DTX3L: variants seen among roughly 807,000 people sequenced by gnomAD.
The protein encoded by DTX3L is deltex E3 ubiquitin ligase 3L, also known as E3 ubiquitin-protein ligase DTX3L.
Under a neutral mutation model 60.9 loss-of-function variants are expected in DTX3L, and 34 were observed. The ratio of observed to expected loss-of-function variants is 0.56; its 90% CI spans 0.42 to 0.74. The LOEUF is 0.74. Ranked by LOEUF, DTX3L falls within the 30% of genes least tolerant of loss-of-function variation. The pLI is 0.00. For synonymous variants in DTX3L, 290 were observed against 316.6 expected, an observed-to-expected ratio of 0.92 and a Z score of 0.89; for missense variants, 810 against 874.0, an observed-to-expected ratio of 0.93 and a Z score of 0.92.
At chr3:122,570,370 T>A (rs1451780110) in intron 3 of DTX3L, 85 bp from the exon 4 acceptor site, 4 of 1,345,430 alleles carry the variant, frequency 3.0e-6, no homozygotes, top group Middle Eastern at 1.9e-4. Flanking sequence ...TTGATTTGCT[T>A]TATCTACAAA....
Position 122,569,437 on chromosome 3 carries a change from A to G in DTX3L, c.1348A>G (p.Arg450Gly), listed in dbSNP as rs753018540. ...TCAACATGCCTCATGTCAGTTGATG[A>G]GAGAAGTTCTTTTACTGAAGTCTTT... ...AFQHASCQLM[R>G]EVLLLKSLGK... The change falls in exon 3 of 5, where the codon AGA (arginine) becomes GGA (glycine). Residue 450 changes from arginine to glycine, a missense_variant. Physicochemically the swap from Arg to Gly is moderately radical, Grantham distance 125. Transcript: ENST00000296161. The G allele has an allele frequency of 6.2e-7, 1 of 1,614,186 alleles. No homozygotes were observed. The highest frequency in any genetic ancestry group is 8.5e-7 in the Non-Finnish European group (1 of 1,180,038).
At position 122,569,300 on chromosome 3, in the gene DTX3L, A is replaced by C; in HGVS notation, c.1211A>C (p.Asp404Ala). The C allele has an allele frequency of 2.5e-6, 4 of 1,614,220 alleles. No individual in the cohort carries two copies. Among genetic ancestry groups the C allele is most frequent in the Non-Finnish European group, 3.4e-6 (4 of 1,180,034 alleles). ...ATATCAGAGATCGAAAAAAGGTATG[A>C]CATTTGCAGCAAGGTTTCTGAGAAA... is the stretch of plus-strand genomic sequence containing the variant. Reference protein sequence around the residue: ...QEISEIEKRYDICSKVSEKGQ... With the variant: ...QEISEIEKRYAICSKVSEKGQ... Residue 404 changes from aspartate to alanine, a missense_variant, in exon 3 of 5, where the codon GAC (aspartate) becomes GCC (alanine). Physicochemically the swap from Asp to Ala is moderately radical, Grantham distance 126. Transcript: ENST00000296161.
chr3:122,573,873 T>G lies in DTX3L; in HGVS notation c.*2126T>G, dbSNP rs1315944536. 1 of 152,372 alleles carries G rather than the reference T, an allele frequency of 6.6e-6. No homozygotes were observed. The highest frequency in any genetic ancestry group is 1.5e-5 in the Non-Finnish European group (1 of 68,172). The allele number at this position is 152,372 out of a possible 1,614,324, so 9.4% of individuals were successfully genotyped here. A position where few individuals can be genotyped will look rare whatever the true frequency, so the allele number is the denominator to read the frequency against. Reference sequence around the variant, plus strand: ...GTTGTTTTGAGACAGGGTCTCACTGTGTCCCCCAGGCTGGAGTGCAGTGGC... The same window carrying G: ...GTTGTTTTGAGACAGGGTCTCACTGGGTCCCCCAGGCTGGAGTGCAGTGGC... On this transcript the variant is annotated 3_prime_UTR_variant, in exon 5 of 5. Coordinates refer to ENST00000296161, the MANE Select transcript of DTX3L (RefSeq NM_138287.3).
At position 122,573,286 on chromosome 3, in the gene DTX3L, A is replaced by T. The variant is rs2080657319; in HGVS notation, c.*1539A>T. 6.6e-6 allele frequency: 1 copy of T among 152,200 alleles called. No homozygotes were observed. The highest frequency in any genetic ancestry group is 1.5e-5 in the Non-Finnish European group (1 of 68,060). 9.4% of individuals were successfully genotyped at this position (152,200 alleles called of 1,614,324 possible). On this transcript the variant is annotated 3_prime_UTR_variant, in exon 5 of 5. Coordinates refer to ENST00000296161, the MANE Select transcript of DTX3L (RefSeq NM_138287.3). ...CCAACACTGAGGATCAAATTTCAAC[A>T]TGAGATTTGGAGGAGGTCAAACAAA...
In DTX3L at chr3:122,569,920, C is replaced by T. The variant is rs1464567493; in HGVS notation, c.1831C>T (p.Pro611Ser). 3.1e-6 allele frequency: 5 copies of T among 1,614,016 alleles called. No homozygotes were observed. Among genetic ancestry groups the T allele is most frequent in the Middle Eastern group, 3.3e-4 (2 of 6,062 alleles). The change falls in exon 3 of 5, where the codon CCA becomes TCA. Residue 611 changes from proline to serine, a missense_variant. Transcript: ENST00000296161. ...CTATGGTATTCAGAAAGGAAATCAG[C>T]CAGAGGGAAGCATGGTTTTCACTGT... ...TSYGIQKGNQ[P>S]EGSMVFTVSR...
chr3:122,572,819 T>G lies in DTX3L; in HGVS notation c.*1072T>G, dbSNP rs2080654725. 6.6e-6 allele frequency: 1 copy of G among 152,202 alleles called. No individual in the cohort carries two copies. Among genetic ancestry groups the G allele is most frequent in the African/African-American group, 2.4e-5 (1 of 41,428 alleles). The allele number at this position is 152,202 out of a possible 1,614,324, so 9.4% of individuals were successfully genotyped here. The stretch of plus-strand genomic sequence containing the variant: ...GTTTCAAACTCCTGAGCTCAAATGA[T>G]CCTCCTGCCTTGGCCTCCCAAAGTG... On this transcript the variant is annotated 3_prime_UTR_variant, in exon 5 of 5. Coordinates refer to ENST00000296161, the MANE Select transcript of DTX3L (RefSeq NM_138287.3).
rs559779724 is a variant in DTX3L at position 122,570,459 on chromosome 3, A to G, written c.1940A>G (p.Glu647Gly). ...YSMKAGIQTE[E>G]HPNPGKRYPG... The stretch of plus-strand genomic sequence containing the variant: ...CATTTTCTTGTTCTCACACAGGAAG[A>G]ACACCCAAACCCAGGAAAGAGATAC... Residue 647 changes from glutamate (E) to glycine (G), a missense_variant, in exon 4 of 5, where the codon GAA (glutamate) becomes GGA (glycine). By Grantham distance (98) the Glu-to-Gly change is moderately conservative (BLOSUM62 -2). Coordinates refer to ENST00000296161, the MANE Select transcript of DTX3L (RefSeq NM_138287.3). The G allele has an allele frequency of 6.2e-7, 1 of 1,614,154 alleles. No homozygotes were observed. Among genetic ancestry groups the G allele is most frequent in the Admixed American group, 1.7e-5 (1 of 60,030 alleles).
intron 1 of DTX3L, 40 bp downstream of exon 1, chr3:122,564,653 GCCCGGCCCCCGGGTTT>G: frequency 6.4e-7 from 1 of 1,560,896 alleles, no homozygotes; most frequent in Non-Finnish European, 8.6e-7. Flanking sequence ...CCCTCTGGGG[GCCCGGCCCCCGGGTTT>G]CCAGGCGGAC....
Position 122,570,547 on chromosome 3 carries a change from G to A in DTX3L, c.2028G>A (p.Leu676=). The A allele has an allele frequency of 1.9e-6, 3 of 1,614,174 alleles. No homozygotes were observed. The highest frequency in any genetic ancestry group is 2.2e-5 in the South Asian group (2 of 91,084). ...DNKEGRKVLK[L]LYRAFDQKLI... ...AGGAAGGAAGGAAGGTTTTGAAACT[G>A]CTTTATAGGGCCTTTGACCAAAAGC... is the stretch of plus-strand genomic sequence containing the variant. The change falls in exon 4 of 5, where the codon CTG becomes CTA. Residue 676 remains leucine (L), a synonymous_variant. Transcript: ENST00000296161.
intron 2 of DTX3L, among the ~76,000 whole-genome samples, chr3:122,567,562 C>A (rs1382591859): frequency 2.6e-5 from 4 of 152,020 alleles, no homozygotes; most frequent in African/African-American, 9.7e-5. Flanking sequence ...CTTAACCTGG[C>A]GTGTCTTATA....
At position 122,573,110 on chromosome 3, in the gene DTX3L, TGAGA is replaced by T. The variant is rs200117054; in HGVS notation, c.*1371_*1374del. The stretch of plus-strand genomic sequence containing the variant: ...CAGAAATCAAATGACAGAGAGGAAG[TGAGA>T]GAGAGAGGTGTCGGGGAGGTGCCAG... On this transcript the variant is annotated 3_prime_UTR_variant, in exon 5 of 5. Transcript: ENST00000296161. 6.6e-6 allele frequency: 1 copy of T among 151,848 alleles called. No homozygotes were observed. The highest frequency in any genetic ancestry group is 2.1e-4 in the South Asian group (1 of 4,798). The allele number at this position is 151,848 out of a possible 1,614,324, so 9.4% of individuals were successfully genotyped here. A position where few individuals can be genotyped will look rare whatever the true frequency, so the allele number is the denominator to read the frequency against.
At chr3:122,570,079 C>T (rs1489015230) in intron 3 of DTX3L, 55 bp downstream of exon 3, 35 of 1,552,908 alleles carry the variant, frequency 2.3e-5, no homozygotes, top group Non-Finnish European at 2.5e-5. Flanking sequence ...ATTACCAGGG[C>T]AAAAGAGACT....
At chr3:122,566,291 AAAAT>A (rs949673690) in intron 2 of DTX3L, among the ~76,000 whole-genome samples, 108 of 152,322 alleles carry the variant, frequency 7.1e-4, no homozygotes, top group African/African-American at 2.5e-3. Context: ...GCAAGTAAAC[AAAAT>A]AAATAAAACC....
In DTX3L at chr3:122,569,566, A is replaced by T. The variant is rs759383478; in HGVS notation, c.1477A>T (p.Thr493Ser). Residue 493 changes from threonine (T) to serine (S), a missense_variant, in exon 3 of 5, where the codon ACT (threonine) becomes TCT (serine). Transcript: ENST00000296161. The part of the protein sequence containing the change: ...FVLNQESMTL[T>S]GLPNHLAKAK... ...GCTAAATCAAGAGTCAATGACTTTG[A>T]CTGGTTTGCCAAATCACCTTGCAAA... is the stretch of plus-strand genomic sequence containing the variant. The T allele has an allele frequency of 7.4e-6, 12 of 1,614,110 alleles. No individual in the cohort carries two copies. Among genetic ancestry groups the T allele is most frequent in the Non-Finnish European group, 1.0e-5 (12 of 1,180,050 alleles).
rs1226692687 is a variant in DTX3L at position 122,573,376 on chromosome 3, G to A, written c.*1629G>A. Reference sequence around the variant, plus strand: ...TCAGGTTGCTAGTAAGCCAGCAGAGGGATATTTGCCTCCTAAATCTTTGGC... The same window carrying A: ...TCAGGTTGCTAGTAAGCCAGCAGAGAGATATTTGCCTCCTAAATCTTTGGC... On this transcript the variant is annotated 3_prime_UTR_variant, in exon 5 of 5. Coordinates refer to ENST00000296161, the MANE Select transcript of DTX3L (RefSeq NM_138287.3). The A allele has an allele frequency of 6.6e-6, 1 of 152,200 alleles. No individual in the cohort carries two copies. The highest frequency in any genetic ancestry group is 1.5e-5 in the Non-Finnish European group (1 of 68,042). The allele number at this position is 152,200 out of a possible 1,614,324, so 9.4% of individuals were successfully genotyped here.
intron 4 of DTX3L, among the ~76,000 whole-genome samples, chr3:122,570,990 T>C (rs533605397): frequency 4.4e-4 from 67 of 152,290 alleles, no homozygotes; most frequent in Admixed American, 7.8e-4. Flanking sequence ...GGAATGTCAC[T>C]TTGCTTCCTT....
rs959702780 is a variant in DTX3L, at chr3:122,573,631, T to A, written c.*1884T>A. 6.6e-6 allele frequency: 1 copy of A among 152,168 alleles called. No individual in the cohort carries two copies. Among genetic ancestry groups the A allele is most frequent in the African/African-American group, 2.4e-5 (1 of 41,414 alleles). The allele number at this position is 152,168 out of a possible 1,614,324, so 9.4% of individuals were successfully genotyped here. On this transcript the variant is annotated 3_prime_UTR_variant, in exon 5 of 5. Transcript: ENST00000296161. ...CATGTGCCACGGTGCCTGACTTGAG[T>A]TTCTTATTCTAGAACACTTGGAGCC...
Position 122,572,859 on chromosome 3 carries a change from A to AT in DTX3L, c.*1113dup, listed in dbSNP as rs2080655182. 1 of 151,972 alleles carries AT rather than the reference A, an allele frequency of 6.6e-6. No homozygotes were observed. The highest frequency in any genetic ancestry group is 1.5e-5 in the Non-Finnish European group (1 of 68,038). 9.4% of individuals were successfully genotyped at this position (151,972 alleles called of 1,614,324 possible). The stretch of plus-strand genomic sequence containing the variant: ...CTCCCAAAGTGCTGGAATTACAGGC[A>AT]TGAGCCACCACACCCACACAAGACT... On this transcript the variant is annotated 3_prime_UTR_variant, in exon 5 of 5. Coordinates refer to ENST00000296161, the MANE Select transcript of DTX3L (RefSeq NM_138287.3).
rs545846070 is a variant in DTX3L at position 122,573,587 on chromosome 3, G to C, written c.*1840G>C. ...AGCCATCCCCCAACCTTGGCCTCTC[G>C]AGTAGATGGGATTATAGGCATGTGC... On this transcript the variant is annotated 3_prime_UTR_variant, in exon 5 of 5. Coordinates refer to ENST00000296161, the MANE Select transcript of DTX3L (RefSeq NM_138287.3). The C allele has an allele frequency of 5.9e-5, 9 of 152,184 alleles. No homozygotes were observed. Among genetic ancestry groups the C allele is most frequent in the Admixed American group, 2.0e-4 (3 of 15,276 alleles). The allele number at this position is 152,184 out of a possible 1,614,324, so 9.4% of individuals were successfully genotyped here.
Sources: allele counts gnomAD v4.1 joint callset (sites outside exome capture counted in the v4.1 genomes callset), GRCh38; gene constraint gnomAD v4.1.1; transcripts MANE v1.5; gene names NCBI Gene and HGNC (gene_info 2026-07-23, HGNC 2026-07-21).